The following EVA1A variants were observed in gnomAD, a reference collection of about 807,000 sequenced individuals.
EVA1A encodes the protein eva-1 homolog A, regulator of programmed cell death, also known as protein eva-1 homolog A.
A neutral mutation model predicts 9.8 loss-of-function variants in EVA1A; 7 were observed. That is an observed-to-expected ratio of 0.71 (90% confidence interval 0.41 to 1.34). The LOEUF is 1.34. Ranked by LOEUF, EVA1A falls within the 40% of genes most tolerant of loss-of-function variation. EVA1A has a pLI of 0.01. For synonymous variants in EVA1A, 90 were observed against 85.6 expected (o/e 1.05, Z -0.28); for missense variants, 206 against 205.9 (o/e 1.00, Z 0.00).
intron 1 of EVA1A, among the ~76,000 whole-genome samples, chr2:75,559,365 C>T (rs1676833872): frequency 6.6e-6 from 1 of 152,180 alleles, no homozygotes; most frequent in South Asian, 2.1e-4. Context: ...CCCTGCTTTA[C>T]AGATGAGGAA....
At chr2:75,547,847 A>C (rs1676385681) in intron 1 of EVA1A, among the ~76,000 whole-genome samples, 1 of 152,238 alleles carries the variant, frequency 6.6e-6, no homozygotes, top group Admixed American at 6.5e-5. Flanking sequence ...GCTCATGGGT[A>C]AATCCAGCCC....
rs186208272 is a variant in EVA1A at position 75,493,694 on chromosome 2, T to C, written c.86-85A>G. The C allele has an allele frequency of 4.3e-5, 57 of 1,328,960 alleles. No homozygotes were observed. In the African/African-American group the frequency reaches 7.8e-4, roughly 18 times the overall value. 82.3% of individuals were successfully genotyped at this position (1,328,960 alleles called of 1,614,324 possible). A position where few individuals can be genotyped will look rare whatever the true frequency, so the allele number is the denominator to read the frequency against. On this transcript the variant is annotated intron_variant, in intron 3 of 3. Coordinates refer to ENST00000393913, the MANE Select transcript of EVA1A (RefSeq NM_001135032.2). ...CCAATATGACTCCAGCCTACACTTC[T>C]CACCAGGCCCCAAAGTTTTGATGGT...
In EVA1A at chr2:75,534,674, T is replaced by C. The variant is rs374940974; in HGVS notation, c.-191-12187A>G. Among the ~76,000 whole-genome samples the C allele has an allele frequency of 5.9e-3, 895 of 152,270 alleles. 8 individuals carry two copies. The highest frequency in any genetic ancestry group is 0.014 in the Middle Eastern group (4 of 294). On this transcript the variant is annotated intron_variant, in intron 1 of 3. Transcript: ENST00000393913. ...TAAAAATGACCCTTTGTTGGATGCA[T>C]AGTTTGCAAATATTTTCTCTCATTC...
chr2:75,526,520 C>G (rs1675444732), intron 1 of EVA1A, among the ~76,000 whole-genome samples: 1 of 152,144 alleles, frequency 6.6e-6, no homozygotes, highest in Non-Finnish European at 1.5e-5. Context: ...GAAAACTGAG[C>G]TATGGAGAGG....
rs1676822813 is a variant in EVA1A at position 75,559,041 on chromosome 2, A to G, written c.-192+1639T>C. Reference sequence around the variant, plus strand: ...AGACTGGTATAATCAGCCAAACTAGAGCAGATAAAAGGATGAGAGCTGGAA... The same window carrying G: ...AGACTGGTATAATCAGCCAAACTAGGGCAGATAAAAGGATGAGAGCTGGAA... On this transcript the variant is annotated intron_variant, in intron 1 of 3. Coordinates refer to ENST00000393913, the MANE Select transcript of EVA1A (RefSeq NM_001135032.2). Among the ~76,000 whole-genome samples, 3 of 152,210 alleles carry G rather than the reference A, an allele frequency of 2.0e-5. No individual in the cohort carries two copies. In the South Asian group the frequency reaches 6.2e-4, roughly 32 times the overall value.
intron 2 of EVA1A, among the ~76,000 whole-genome samples, chr2:75,520,849 C>A (rs903075765): frequency 1.3e-5 from 2 of 152,026 alleles, no homozygotes; most frequent in African/African-American, 4.8e-5. Context: ...AAGAAAAGGA[C>A]TCTATGAAAA....
chr2:75,520,072 C>A (rs1455255230), intron 2 of EVA1A, among the ~76,000 whole-genome samples: 5 of 152,170 alleles, frequency 3.3e-5, no homozygotes, highest in Admixed American at 2.6e-4. Flanking sequence ...TGCCTTACCT[C>A]CTAATGTATC....
At chr2:75,521,027 G>A (rs1259137181) in intron 2 of EVA1A, among the ~76,000 whole-genome samples, 2 of 151,976 alleles carry the variant, frequency 1.3e-5, no homozygotes, top group East Asian at 1.9e-4. Context: ...AAAACAAAGA[G>A]CTCAATTTAA....
intron 1 of EVA1A, among the ~76,000 whole-genome samples, chr2:75,522,805 A>G (rs76803946): frequency 7.9e-5 from 12 of 152,330 alleles, no homozygotes; most frequent in Non-Finnish European, 1.5e-4. Context: ...GGATGTCCCA[A>G]TCTGGCCCCT....
chr2:75,563,489 CAT>C (rs1364041861), upstream of EVA1A, among the ~76,000 whole-genome samples: 1 of 152,212 alleles, frequency 6.6e-6, no homozygotes, highest in Admixed American at 6.5e-5. Context: ...CACGTGTGTT[CAT>C]GTGTGTGTGT....
At chr2:75,515,197 C>T (rs1674961043) in intron 3 of EVA1A, among the ~76,000 whole-genome samples, 1 of 152,100 alleles carries the variant, frequency 6.6e-6, no homozygotes, top group Admixed American at 6.5e-5. Context: ...AACTTTAACT[C>T]TTCTTCATTA....
At chr2:75,556,898 T>C (rs1237390156) in intron 1 of EVA1A, among the ~76,000 whole-genome samples, 1 of 152,164 alleles carries the variant, frequency 6.6e-6, no homozygotes, top group African/African-American at 2.4e-5. Flanking sequence ...GATGACCCTG[T>C]TCCTAACAGG....
intron 1 of EVA1A, among the ~76,000 whole-genome samples, chr2:75,528,601 A>G (rs752520129): frequency 2.4e-4 from 37 of 152,164 alleles, no homozygotes; most frequent in Non-Finnish European, 4.4e-5. Flanking sequence ...CCGTCCCCCC[A>G]GGTGGTCTCT....
At chr2:75,518,824 C>A (rs1572961145) in intron 2 of EVA1A, 1 of 985,500 alleles carries the variant, frequency 1.0e-6, no homozygotes. Flanking sequence ...TTTGCCTCAT[C>A]CCTCAGGTCA....
intron 3 of EVA1A, among the ~76,000 whole-genome samples, chr2:75,495,060 A>G (rs914112517): frequency 6.6e-5 from 10 of 152,084 alleles, no homozygotes; most frequent in Admixed American, 2.0e-4. Context: ...ACCGTACCCA[A>G]TGTATGGTCT....
chr2:75,562,393 A>C (rs1676944721), upstream of EVA1A, among the ~76,000 whole-genome samples: 1 of 152,190 alleles, frequency 6.6e-6, no homozygotes, highest in Non-Finnish European at 1.5e-5. Flanking sequence ...CCACTGTTTC[A>C]GACTTACTCA....
At chr2:75,530,146 T>C (rs1188541738) in intron 1 of EVA1A, among the ~76,000 whole-genome samples, 1 of 152,144 alleles carries the variant, frequency 6.6e-6, no homozygotes, top group Non-Finnish European at 1.5e-5. Flanking sequence ...CTAGAAAATC[T>C]AGAGGGGATG....
intron 1 of EVA1A, among the ~76,000 whole-genome samples, chr2:75,554,693 T>A (rs1188217881): frequency 6.6e-6 from 1 of 151,152 alleles, no homozygotes; most frequent in African/African-American, 2.4e-5. Context: ...TTTGTCAGGA[T>A]CCATGCAATT....
At chr2:75,530,979 A>T (rs913732489) in intron 1 of EVA1A, among the ~76,000 whole-genome samples, 5 of 152,200 alleles carry the variant, frequency 3.3e-5, no homozygotes, top group Admixed American at 6.5e-5. Flanking sequence ...TTTGATGATG[A>T]TGTTATCATA....
Sources: gnomAD v4.1 joint callset for allele counts (sites outside exome capture counted in the v4.1 genomes callset) on GRCh38, gnomAD v4.1.1 for gene constraint, MANE v1.5 for transcripts, NCBI Gene and HGNC (gene_info 2026-07-23, HGNC 2026-07-21) for gene names.